Variants in PTPRQ observed in about 807,000 individuals in gnomAD.
PTPRQ encodes protein tyrosine phosphatase receptor type Q.
PTPRQ carries 199 observed loss-of-function variants against 246.0 expected under a neutral mutation model. The observed-to-expected ratio is 0.81, with a 90% CI of 0.72 to 0.91. The LOEUF (loss-of-function observed/expected upper bound fraction) is 0.91, where lower values mean the gene tolerates loss of function less well. Ranked by LOEUF, PTPRQ falls within the 40% of genes least tolerant of loss-of-function variation. The pLI is 0.00. For missense variants in PTPRQ, 2,624 were observed against 2,528.4 expected (o/e 1.04, Z -0.81); for synonymous variants, 869 against 853.2 (o/e 1.02, Z -0.32).
In PTPRQ at chr12:80,569,939, T is replaced by C. The variant is rs558587368; in HGVS notation, c.4286-18190T>C. On this transcript the variant is annotated intron_variant, in intron 25 of 44. Coordinates refer to ENST00000644991, the MANE Select transcript of PTPRQ (RefSeq NM_001145026.2). ...ATTCTTTTTTATGGCTGCGTAGTAT[T>C]CCATGGTGTATATGTGCCACATTTT... Among the ~76,000 whole-genome samples, 13 of 152,320 alleles carry C rather than the reference T, an allele frequency of 8.5e-5. No individual in the cohort carries two copies. In the East Asian group the frequency reaches 2.5e-3, roughly 29 times the overall value.
intron 9 of PTPRQ, among the ~76,000 whole-genome samples, chr12:80,492,975 C>T (rs1046556781): frequency 2.0e-5 from 3 of 151,908 alleles, no homozygotes; most frequent in Non-Finnish European, 2.9e-5. Flanking sequence ...GAAACCTTTG[C>T]ATGAGGACGT....
chr12:80,662,356 A>G (rs1900659505), intron 39 of PTPRQ, among the ~76,000 whole-genome samples: 1 of 151,956 alleles, frequency 6.6e-6, no homozygotes, highest in African/African-American at 2.4e-5. Context: ...GTAGTTCCAC[A>G]ATACCTGAGA....
At chr12:80,473,513 ATTC>A (rs1339036907) in intron 8 of PTPRQ, among the ~76,000 whole-genome samples, 1 of 152,184 alleles carries the variant, frequency 6.6e-6, no homozygotes, top group Non-Finnish European at 1.5e-5. Flanking sequence ...ATTGATTTCT[ATTC>A]TTGTTATACA....
At chr12:80,596,535 T>A (rs1897975798) in intron 26 of PTPRQ, among the ~76,000 whole-genome samples, 1 of 152,040 alleles carries the variant, frequency 6.6e-6, no homozygotes, top group Non-Finnish European at 1.5e-5. Context: ...AAACTTCAAA[T>A]GAATTCTCCT....
chr12:80,573,502 A>T (rs78676224), intron 25 of PTPRQ, among the ~76,000 whole-genome samples: 1 of 151,966 alleles, frequency 6.6e-6, no homozygotes, highest in Non-Finnish European at 1.5e-5. Context: ...AAAAAAAAAA[A>T]TTATTTTAAG....
rs193184269 is a variant in PTPRQ, at chr12:80,468,601, G to A, written c.911-109G>A. 8.4e-4 allele frequency: 948 copies of A among 1,132,250 alleles called. 1 individual carries two copies. Among genetic ancestry groups the A allele is most frequent in the Middle Eastern group, 2.8e-3 (9 of 3,182 alleles). 70.1% of individuals were successfully genotyped at this position (1,132,250 alleles called of 1,614,324 possible). ...AGATAAAAAAACTCTGCTTTTAAGCGCGATATTTTATTTTCCTTCTTTGCC... is the reference window on the plus strand; with the variant it reads ...AGATAAAAAAACTCTGCTTTTAAGCACGATATTTTATTTTCCTTCTTTGCC... On this transcript the variant is annotated intron_variant, in intron 6 of 44. Coordinates refer to ENST00000644991, the MANE Select transcript of PTPRQ (RefSeq NM_001145026.2).
At chr12:80,578,704 A>C (rs1897344968) in intron 25 of PTPRQ, among the ~76,000 whole-genome samples, 2 of 152,136 alleles carry the variant, frequency 1.3e-5, no homozygotes, top group African/African-American at 4.8e-5. Flanking sequence ...AGAATGGGAA[A>C]AATTAAACAT....
intron 23 of PTPRQ, among the ~76,000 whole-genome samples, chr12:80,546,322 G>A (rs1896303807): frequency 6.6e-6 from 1 of 151,704 alleles, no homozygotes; most frequent in South Asian, 2.1e-4. Flanking sequence ...GTCTAAAAAA[G>A]GCAATTATGA....
At chr12:80,472,486 A>T (rs993563212) in intron 8 of PTPRQ, among the ~76,000 whole-genome samples, 1 of 152,212 alleles carries the variant, frequency 6.6e-6, no homozygotes, top group Non-Finnish European at 1.5e-5. Context: ...CATATGTAGT[A>T]TTGGCCTGTT....
At chr12:80,558,166 T>C (rs550678888) in intron 25 of PTPRQ, among the ~76,000 whole-genome samples, 1 of 126,718 alleles carries the variant, frequency 7.9e-6, no homozygotes, top group East Asian at 2.0e-4. Context: ...TTCTTTTCTT[T>C]TCTTTCTTTT....
intron 39 of PTPRQ, among the ~76,000 whole-genome samples, chr12:80,667,977 C>T (rs1900839189): frequency 1.3e-5 from 2 of 151,870 alleles, no homozygotes; most frequent in South Asian, 4.1e-4. Flanking sequence ...AGTGCCTCCT[C>T]ATTGTTCCTT....
At chr12:80,621,444 C>A (rs888357588) in intron 32 of PTPRQ, among the ~76,000 whole-genome samples, 15 of 151,826 alleles carry the variant, frequency 9.9e-5, no homozygotes, top group African/African-American at 3.1e-4. Context: ...TGCCCTTGTG[C>A]CTTTATTTTT....
intron 35 of PTPRQ, among the ~76,000 whole-genome samples, chr12:80,642,956 A>G (rs556401514): frequency 6.7e-6 from 1 of 148,686 alleles, no homozygotes; most frequent in Non-Finnish European, 1.5e-5. Context: ...ACAATTGAGT[A>G]TCTCTCAAGT....
intron 9 of PTPRQ, among the ~76,000 whole-genome samples, chr12:80,491,232 A>AG (rs1199778871): frequency 6.6e-6 from 1 of 151,924 alleles, no homozygotes; most frequent in Non-Finnish European, 1.5e-5. Context: ...ACCATAGTTG[A>AG]GGGGGAAATT....
At chr12:80,612,982 T>C (rs2121108021) in intron 28 of PTPRQ, among the ~76,000 whole-genome samples, 1 of 150,660 alleles carries the variant, frequency 6.6e-6, no homozygotes, top group South Asian at 2.1e-4. Flanking sequence ...ATACTGCAAA[T>C]AAAAGAGGAT....
At chr12:80,619,918 T>C (rs952163733) in intron 31 of PTPRQ, among the ~76,000 whole-genome samples, 1 of 151,456 alleles carries the variant, frequency 6.6e-6, no homozygotes, top group Non-Finnish European at 1.5e-5. Flanking sequence ...TTACTCTTGA[T>C]TGAGGGATGC....
chr12:80,486,775 A>T (rs1174729262), intron 9 of PTPRQ, among the ~76,000 whole-genome samples: 1 of 152,124 alleles, frequency 6.6e-6, no homozygotes, highest in Admixed American at 6.5e-5. Flanking sequence ...TTGAAATCTT[A>T]TTAGAAGTCA....
In PTPRQ at chr12:80,652,834, T is replaced by C. The variant is rs1401553076; in HGVS notation, c.6115T>C (p.Tyr2039His). 2 of 1,491,164 alleles carry C rather than the reference T, an allele frequency of 1.3e-6. No homozygotes were observed. Among genetic ancestry groups the C allele is most frequent in the Non-Finnish European group, 1.8e-6 (2 of 1,121,058 alleles). The allele number at this position is 1,491,164 out of a possible 1,614,324, so 92.4% of individuals were successfully genotyped here. Reference protein sequence around the residue: ...AKNRFPNIKPYNNNRVKLIAD... With the variant: ...AKNRFPNIKPHNNNRVKLIAD... ...AAACCGCTTCCCAAACATAAAACCA[T>C]GTATGTGCATTTGTTGGTTTTGGTT... The change falls in exon 38 of 45, where the codon TAT becomes CAT. Residue 2039 changes from tyrosine to histidine, a missense_variant and splice_region_variant. Physicochemically the swap from Tyr to His is moderately conservative, Grantham distance 83. Coordinates refer to ENST00000644991, the MANE Select transcript of PTPRQ (RefSeq NM_001145026.2).
At chr12:80,584,023 T>G (rs1592684644) in intron 25 of PTPRQ, 1 of 152,306 alleles carries the variant, frequency 6.6e-6, no homozygotes. Context: ...TCTTTAAAGC[T>G]TTGACTTCCT....
Sources: allele counts gnomAD v4.1 joint callset (sites outside exome capture counted in the v4.1 genomes callset), GRCh38; gene constraint gnomAD v4.1.1; transcripts MANE v1.5; gene names NCBI Gene and HGNC (gene_info 2026-07-23, HGNC 2026-07-21).